Variants in BARD1 observed in about 807,000 individuals in gnomAD.
The protein encoded by BARD1 is BRCA1-associated RING domain protein 1.
Under a neutral mutation model 77.0 loss-of-function variants are expected in BARD1, and 73 were observed. The observed-to-expected ratio is 0.95, with a 90% CI of 0.79 to 1.15. BARD1 has a LOEUF of 1.15. Among genes scored for constraint, BARD1 ranks in the 50% most tolerant of loss-of-function variants. BARD1 has a pLI of 0.00. For synonymous variants in BARD1, 384 were observed against 338.0 expected (o/e 1.14, Z -1.49); for missense variants, 993 against 938.8 (o/e 1.06, Z -0.75).
At chr2:214,751,151 A>ATTTTTTTTTTTT (rs60746999) in intron 7 of BARD1, among the ~76,000 whole-genome samples, 3 of 37,194 alleles carry the variant, frequency 8.1e-5, no homozygotes, top group Admixed American at 4.1e-4. Context: ...ATATATATAT[A>ATTTTTTTTTTTT]TTTTTTTTTT....
intron 3 of BARD1, among the ~76,000 whole-genome samples, chr2:214,789,649 C>T (rs564578965): frequency 6.6e-6 from 1 of 152,012 alleles, no homozygotes; most frequent in South Asian, 2.1e-4. Context: ...TAATGAATAC[C>T]TACACTTCGA....
intron 7 of BARD1, among the ~76,000 whole-genome samples, chr2:214,748,842 AG>A (rs1457518949): frequency 2.1e-5 from 3 of 142,134 alleles, no homozygotes; most frequent in African/African-American, 7.9e-5. Flanking sequence ...TGTATCATAA[AG>A]AATACTCTAA....
Position 214,728,274 on chromosome 2 carries a change from T to C in BARD1, c.*402A>G, listed in dbSNP as rs1447789438. 1.2e-5 allele frequency: 3 copies of C among 244,424 alleles called. No homozygotes were observed. In the East Asian group the frequency reaches 1.8e-4, roughly 15 times the overall value. 15.1% of individuals were successfully genotyped at this position (244,424 alleles called of 1,614,324 possible). On this transcript the variant is annotated 3_prime_UTR_variant, in exon 11 of 11. Transcript: ENST00000260947. ...CAAAATAAATTGTTTGATAATATTC[T>C]GTTTACTAAAAAAAAAAAAAAAAAA...
At chr2:214,800,933 T>C (rs560819544) in intron 1 of BARD1, among the ~76,000 whole-genome samples, 43 of 152,134 alleles carry the variant, frequency 2.8e-4, no homozygotes, top group Middle Eastern at 3.4e-3. Context: ...AGAAAATTCA[T>C]CTTTGAGAAT....
In BARD1 at chr2:214,728,106, A is replaced by G. The variant is rs2105984926; in HGVS notation, c.*570T>C. 1 of 228,920 alleles carries G rather than the reference A, an allele frequency of 4.4e-6. No homozygotes were observed. Among genetic ancestry groups the G allele is most frequent in the East Asian group, 6.3e-5 (1 of 15,866 alleles). 14.2% of individuals were successfully genotyped at this position (228,920 alleles called of 1,614,324 possible). A position where few individuals can be genotyped will look rare whatever the true frequency, so the allele number is the denominator to read the frequency against. The stretch of plus-strand genomic sequence containing the variant: ...CCTGATGATATACAAGATAAAAAAC[A>G]GGGATGAAAGTGTAGAAACACACAA... On this transcript the variant is annotated 3_prime_UTR_variant, in exon 11 of 11. Transcript: ENST00000260947.
intron 6 of BARD1, among the ~76,000 whole-genome samples, chr2:214,764,232 T>C (rs1187628792): frequency 6.6e-6 from 1 of 152,114 alleles, no homozygotes; most frequent in Non-Finnish European, 1.5e-5. Context: ...ACTAATTCAC[T>C]CTACAAACAA....
chr2:214,745,189 G>C lies in BARD1; in HGVS notation c.1811-30C>G, dbSNP rs757822148. 4.4e-6 allele frequency: 7 copies of C among 1,578,808 alleles called. No individual in the cohort carries two copies. The Admixed American group carries it at 1.0e-4, about 23-fold the overall frequency. On this transcript the variant is annotated intron_variant, in intron 8 of 10. Coordinates refer to ENST00000260947, the MANE Select transcript of BARD1 (RefSeq NM_000465.4). The stretch of plus-strand genomic sequence containing the variant: ...AATACAAAAAAAGCAGTAAGAGAAA[G>C]AAAGATACAAGCCAAAGTATTTCTT...
intron 7 of BARD1, among the ~76,000 whole-genome samples, chr2:214,750,610 G>C (rs1327428202): frequency 6.6e-6 from 1 of 152,218 alleles, no homozygotes; most frequent in East Asian, 1.9e-4. Flanking sequence ...CACACTAACA[G>C]AAGCCCAGTT....
chr2:214,767,703 A>G (rs1280637467), intron 5 of BARD1, 49 bp from the exon 6 acceptor site: 2 of 1,514,992 alleles, frequency 1.3e-6, no homozygotes, highest in Non-Finnish European at 1.8e-6. Context: ...AAGAAAGAGC[A>G]ATGGATGATA....
At chr2:214,738,689 A>T (rs138188860) in intron 9 of BARD1, among the ~76,000 whole-genome samples, 1 of 152,320 alleles carries the variant, frequency 6.6e-6, no homozygotes, top group East Asian at 1.9e-4. Flanking sequence ...ATCCACAGTT[A>T]TACAAAAATG....
chr2:214,745,581 A>C, intron 8 of BARD1, 141 bp downstream of exon 8: 1 of 1,046,424 alleles, frequency 9.6e-7, no homozygotes, highest in South Asian at 1.4e-5. Flanking sequence ...CTGAAAAAAA[A>C]TTTAGATGTA....
chr2:214,736,760 G>C (rs1444923899), intron 9 of BARD1, among the ~76,000 whole-genome samples: 1 of 152,124 alleles, frequency 6.6e-6, no homozygotes, highest in East Asian at 1.9e-4. Context: ...GTACTTCCAT[G>C]AGAAGGAGCC....
chr2:214,745,874 T>C lies in BARD1; in HGVS notation c.1678-20A>G, dbSNP rs189401077. 292 of 1,613,622 alleles carry C rather than the reference T, an allele frequency of 1.8e-4. No individual in the cohort carries two copies. The highest frequency in any genetic ancestry group is 2.1e-4 in the African/African-American group (16 of 75,050). On this transcript the variant is annotated intron_variant, in intron 7 of 10. Transcript: ENST00000260947. ...GTTCATCTGTTAATATAAAAGGAGA[T>C]ACCAGTGTTAAAAACATTAGACGAC...
rs532643146 is a variant in BARD1 at position 214,725,965 on chromosome 2, G to C, written c.*2711C>G. The C allele has an allele frequency of 9.1e-5, 20 of 219,998 alleles. No individual in the cohort carries two copies. The highest frequency in any genetic ancestry group is 1.4e-4 in the Non-Finnish European group (15 of 110,964). 13.6% of individuals were successfully genotyped at this position (219,998 alleles called of 1,614,324 possible). On this transcript the variant is annotated 3_prime_UTR_variant, in exon 11 of 11. Transcript: ENST00000260947. ...CCTGTGAATCGTCTTATTCCCACAG[G>C]AAACATCAAACCTCCCCAAATATCA... is the stretch of plus-strand genomic sequence containing the variant.
chr2:214,796,916 C>G, intron 2 of BARD1, 145 bp downstream of exon 2: 1 of 704,322 alleles, frequency 1.4e-6, no homozygotes, highest in Non-Finnish European at 2.5e-6. Flanking sequence ...TTTTAAAGAT[C>G]AAACTAAGAT....
At chr2:214,755,570 A>G (rs909248853) in intron 6 of BARD1, among the ~76,000 whole-genome samples, 2 of 152,196 alleles carry the variant, frequency 1.3e-5, no homozygotes, top group Non-Finnish European at 1.5e-5. Context: ...GAAATAGAAG[A>G]TAAGATTTAA....
intron 1 of BARD1, among the ~76,000 whole-genome samples, chr2:214,806,198 A>C (rs554024167): frequency 7.2e-5 from 11 of 152,280 alleles, no homozygotes; most frequent in African/African-American, 1.9e-4. Context: ...GTACCAATCC[A>C]CCCTCACCAG....
intron 3 of BARD1, among the ~76,000 whole-genome samples, chr2:214,791,712 G>T (rs1164897955): frequency 1.3e-5 from 2 of 152,166 alleles, no homozygotes; most frequent in Non-Finnish European, 2.9e-5. Flanking sequence ...GTCTAGAAAA[G>T]TGATCCATGG....
At chr2:214,779,179 T>G (rs1694866245) in intron 4 of BARD1, among the ~76,000 whole-genome samples, 2 of 152,110 alleles carry the variant, frequency 1.3e-5, no homozygotes, top group South Asian at 4.1e-4. Flanking sequence ...GCCTCACTGG[T>G]ATCAGAAATA....
Sources: gnomAD v4.1 joint callset for allele counts (sites outside exome capture counted in the v4.1 genomes callset) on GRCh38, gnomAD v4.1.1 for gene constraint, MANE v1.5 for transcripts, NCBI Gene and HGNC (gene_info 2026-07-23, HGNC 2026-07-21) for gene names.